The following RSRC1 variants were observed in gnomAD, a reference collection of about 807,000 sequenced individuals.
RSRC1 encodes the protein arginine and serine rich coiled-coil 1, also known as serine/Arginine-related protein 53.
In RSRC1, 39 loss-of-function variants were observed where a neutral mutation model predicts 49.1. That is an observed-to-expected ratio of 0.79 (90% confidence interval 0.61 to 1.04). The LOEUF is 1.04. RSRC1 is among the 50% of genes least tolerant of loss of function. The pLI is 0.00. For missense variants in RSRC1, 388 were observed against 402.4 expected, an observed-to-expected ratio of 0.96 and a Z score of 0.31; for synonymous variants, 143 against 130.8, an observed-to-expected ratio of 1.09 and a Z score of -0.63.
chr3:158,337,025 T>C (rs1161166974), intron 5 of RSRC1, among the ~76,000 whole-genome samples: 1 of 152,176 alleles, frequency 6.6e-6, no homozygotes, highest in African/African-American at 2.4e-5. Flanking sequence ...TTAACTGGCA[T>C]GGATAGGACC....
At chr3:158,282,924 G>A (rs1001321209) in intron 4 of RSRC1, among the ~76,000 whole-genome samples, 6 of 152,116 alleles carry the variant, frequency 3.9e-5, no homozygotes, top group Admixed American at 1.3e-4. Context: ...GACTTTTGGT[G>A]GTTAGTGATA....
chr3:158,422,953 G>T (rs1342515626), intron 6 of RSRC1, among the ~76,000 whole-genome samples: 39 of 151,916 alleles, frequency 2.6e-4, no homozygotes, highest in East Asian at 1.6e-3. Flanking sequence ...TTTGTTGGAG[G>T]TCATTGTAGA....
chr3:158,307,869 A>G (rs1339760385), intron 5 of RSRC1, among the ~76,000 whole-genome samples: 1 of 151,890 alleles, frequency 6.6e-6, no homozygotes, highest in African/African-American at 2.4e-5. Flanking sequence ...CAGATGTGCT[A>G]TTTTTTGTTT....
At chr3:158,245,282 CAA>C (rs1385971807) in intron 4 of RSRC1, among the ~76,000 whole-genome samples, 1 of 152,044 alleles carries the variant, frequency 6.6e-6, no homozygotes, top group African/African-American at 2.4e-5. Flanking sequence ...GTTATGTACT[CAA>C]GAGTCATTTA....
intron 7 of RSRC1, among the ~76,000 whole-genome samples, chr3:158,483,190 T>G (rs1324121268): frequency 6.6e-6 from 1 of 152,096 alleles, no homozygotes; most frequent in African/African-American, 2.4e-5. Flanking sequence ...TGATTACATT[T>G]GCACTTCCAT....
At chr3:158,405,667 C>T (rs1446589796) in intron 6 of RSRC1, among the ~76,000 whole-genome samples, 1 of 152,074 alleles carries the variant, frequency 6.6e-6, no homozygotes, top group East Asian at 1.9e-4. Flanking sequence ...GGTAAATTAG[C>T]CAGCAGGCTA....
intron 4 of RSRC1, among the ~76,000 whole-genome samples, chr3:158,287,391 G>A (rs571749083): frequency 1.6e-4 from 25 of 152,174 alleles, no homozygotes; most frequent in Admixed American, 9.8e-4. Context: ...TGATTAAATA[G>A]TGGAGATGAA....
chr3:158,520,460 A>G (rs913629620), intron 7 of RSRC1, among the ~76,000 whole-genome samples: 13 of 152,174 alleles, frequency 8.5e-5, no homozygotes, highest in Admixed American at 4.6e-4. Context: ...TGTGTTTACT[A>G]TAGAAGACTT....
chr3:158,506,781 A>G (rs1171464255), intron 7 of RSRC1, among the ~76,000 whole-genome samples: 1 of 151,298 alleles, frequency 6.6e-6, no homozygotes, highest in Admixed American at 6.6e-5. Flanking sequence ...TTAAAAAACT[A>G]AAAGTAGAAC....
At position 158,390,287 on chromosome 3, in the gene RSRC1, T is replaced by C. The variant is rs1305147998; in HGVS notation, c.583+35379T>C. 2.0e-5 allele frequency among the ~76,000 whole-genome samples: 3 copies of C among 152,142 alleles called. No individual in the cohort carries two copies. In the East Asian group the frequency reaches 5.8e-4, roughly 29 times the overall value. ...ATGTATAAAAATGACTCCAGGAAAG[T>C]GGAGCCTGGCCCAGTCTAGGTTTAC... On this transcript the variant is annotated intron_variant, in intron 6 of 9. Transcript: ENST00000611884.
intron 5 of RSRC1, among the ~76,000 whole-genome samples, chr3:158,313,740 G>A (rs778320651): frequency 4.3e-4 from 66 of 152,196 alleles, no homozygotes; most frequent in Admixed American, 8.5e-4. Flanking sequence ...AACAGAAAAT[G>A]TGTATCATCA....
At chr3:158,293,411 T>C (rs945746349) in intron 4 of RSRC1, among the ~76,000 whole-genome samples, 3 of 152,112 alleles carry the variant, frequency 2.0e-5, no homozygotes, top group African/African-American at 7.2e-5. Flanking sequence ...CCTGGTTTTA[T>C]GGGAAACCTT....
chr3:158,508,712 T>C lies in RSRC1; in HGVS notation c.653-28380T>C, dbSNP rs557584954. On this transcript the variant is annotated intron_variant, in intron 7 of 9. Coordinates refer to ENST00000611884, the MANE Select transcript of RSRC1 (RefSeq NM_001271838.2). ...CATCTCTTTGTCCAGTGTATTCACATTGTATACACTACCGCTCATTAGTCA... is the reference window on the plus strand; with the variant it reads ...CATCTCTTTGTCCAGTGTATTCACACTGTATACACTACCGCTCATTAGTCA... Among the ~76,000 whole-genome samples the C allele has an allele frequency of 5.9e-5, 9 of 152,306 alleles. No individual in the cohort carries two copies. In the South Asian group the frequency reaches 1.9e-3, roughly 32 times the overall value.
intron 1 of RSRC1, among the ~76,000 whole-genome samples, chr3:158,110,831 T>A (rs1354941584): frequency 6.6e-6 from 1 of 152,236 alleles, no homozygotes; most frequent in Non-Finnish European, 1.5e-5. Flanking sequence ...ACTGGTGGCA[T>A]GTGACCAAGA....
intron 7 of RSRC1, among the ~76,000 whole-genome samples, chr3:158,488,230 A>T (rs1283090533): frequency 6.6e-6 from 1 of 152,088 alleles, no homozygotes; most frequent in East Asian, 1.9e-4. Flanking sequence ...ATTTTTAAAA[A>T]TCTGTTATGT....
intron 4 of RSRC1, among the ~76,000 whole-genome samples, chr3:158,237,843 T>C (rs977323406): frequency 2.6e-5 from 4 of 152,162 alleles, no homozygotes; most frequent in African/African-American, 7.2e-5. Flanking sequence ...CAACACTATG[T>C]TGAATAGGAG....
At chr3:158,406,649 G>T (rs993037427) in intron 6 of RSRC1, among the ~76,000 whole-genome samples, 1 of 152,042 alleles carries the variant, frequency 6.6e-6, no homozygotes, top group Non-Finnish European at 1.5e-5. Context: ...AGAGTAATCA[G>T]AAACCATGCT....
At chr3:158,191,401 A>C (rs981680773) in intron 3 of RSRC1, among the ~76,000 whole-genome samples, 111 of 152,188 alleles carry the variant, frequency 7.3e-4, no homozygotes, top group Non-Finnish European at 6.3e-4. Flanking sequence ...TACTTGAAGT[A>C]TTGTAGTTTT....
intron 6 of RSRC1, among the ~76,000 whole-genome samples, chr3:158,400,651 TAAAG>T (rs1250212569): frequency 1.3e-5 from 2 of 151,888 alleles, no homozygotes; most frequent in Middle Eastern, 3.2e-3. Context: ...GGTTAACACA[TAAAG>T]AAAAAAGAAA....
Sources: allele counts gnomAD v4.1 joint callset (sites outside exome capture counted in the v4.1 genomes callset), GRCh38; gene constraint gnomAD v4.1.1; transcripts MANE v1.5; gene names NCBI Gene and HGNC (gene_info 2026-07-23, HGNC 2026-07-21).